The following CLMN variants were observed in gnomAD, a reference collection of about 807,000 sequenced individuals.
CLMN encodes calmin, also known as calmin (calponin-like, transmembrane).
Under a neutral mutation model 92.7 loss-of-function variants are expected in CLMN, and 57 were observed. That is an observed-to-expected ratio of 0.61 (90% CI 0.50 to 0.77). CLMN has a LOEUF of 0.77. Ranked by LOEUF, CLMN falls within the 30% of genes least tolerant of loss-of-function variation. The probability of loss-of-function intolerance (pLI) is 0.00; values close to 1 mark genes in which losing one functional copy is unlikely to be tolerated. For missense variants in CLMN, 1,158 were observed against 1,237.5 expected (o/e 0.94, Z 0.96); for synonymous variants, 466 against 470.6 (o/e 0.99, Z 0.13).
intron 1 of CLMN, among the ~76,000 whole-genome samples, chr14:95,269,928 A>T (rs998527296): frequency 3.3e-5 from 5 of 151,102 alleles, no homozygotes; most frequent in Non-Finnish European, 7.3e-5. Flanking sequence ...ATGCCCCTGC[A>T]GTGGACTTCA....
chr14:95,224,087 G>C (rs1897634966), intron 2 of CLMN, among the ~76,000 whole-genome samples: 2 of 152,182 alleles, frequency 1.3e-5, no homozygotes, highest in African/African-American at 4.8e-5. Flanking sequence ...CACCAAGAGG[G>C]GGCTGATCGA....
In CLMN at chr14:95,191,611, C is replaced by A. The variant is rs760410030; in HGVS notation, c.2962G>T (p.Val988Leu). ...MYFILFLWLLVYCLLLFPQLD... is the reference protein window; with the variant it reads ...MYFILFLWLLLYCLLLFPQLD... ...TGTGGGAAGAGCAGCAAGCAGTACA[C>A]CAGGAGCCACAGGAAGAGAATAAAA... Residue 988 changes from valine to leucine, a missense_variant, in exon 13 of 13, where the codon GTG becomes TTG. Val to Leu is a conservative substitution (Grantham distance 32). Transcript: ENST00000298912. This position sits in a 1 kb window ranked among gnomAD's most constrained non-coding sequence, Gnocchi z 5.3. 1 of 1,613,570 alleles carries A rather than the reference C, an allele frequency of 6.2e-7. No homozygotes were observed. Among genetic ancestry groups the A allele is most frequent in the Admixed American group, 1.7e-5 (1 of 59,982 alleles).
intron 1 of CLMN, among the ~76,000 whole-genome samples, chr14:95,318,535 T>C: frequency 6.6e-6 from 1 of 152,132 alleles, no homozygotes; most frequent in East Asian, 1.9e-4. Flanking sequence ...TAAACTTGAC[T>C]GCTCGGCCAT....
In CLMN at chr14:95,293,572, G is replaced by A. The variant is rs376637569; in HGVS notation, c.82+26139C>T. Among the ~76,000 whole-genome samples, 18 of 152,098 alleles carry A rather than the reference G, an allele frequency of 1.2e-4. 1 individual carries two copies. The East Asian group carries it at 1.9e-3, about 16-fold the overall frequency. The stretch of plus-strand genomic sequence containing the variant: ...ATTCTCTATGGATTCAAGACCAGGA[G>A]AATGGGCTCTGTGCACCTGCTCCCA... On this transcript the variant is annotated intron_variant, in intron 1 of 12. Coordinates refer to ENST00000298912, the MANE Select transcript of CLMN (RefSeq NM_024734.4).
Position 95,185,103 on chromosome 14 carries a change from C to G in CLMN, c.*6461G>C, listed in dbSNP as rs1896410282. The G allele has an allele frequency of 6.6e-6, 1 of 151,882 alleles. No homozygotes were observed. Among genetic ancestry groups the G allele is most frequent in the Non-Finnish European group, 1.5e-5 (1 of 68,036 alleles). The allele number at this position is 151,882 out of a possible 1,614,324, so 9.4% of individuals were successfully genotyped here. The stretch of plus-strand genomic sequence containing the variant: ...CCTCGGTGACAGAGTAAGATGCTGT[C>G]TCTTAAAAAAAAAATCAGAGTGAAG... On this transcript the variant is annotated 3_prime_UTR_variant, in exon 13 of 13. Transcript: ENST00000298912.
chr14:95,218,676 T>G (rs1043293639), intron 4 of CLMN, among the ~76,000 whole-genome samples: 3 of 152,248 alleles, frequency 2.0e-5, no homozygotes, highest in African/African-American at 7.2e-5. Context: ...CGTTTCCACC[T>G]GGCTCACTCC....
chr14:95,318,430 C>T (rs937328762), intron 1 of CLMN, among the ~76,000 whole-genome samples: 30 of 152,186 alleles, frequency 2.0e-4, no homozygotes, highest in Admixed American at 1.8e-3. Flanking sequence ...GCTCCCCAGT[C>T]CTTTTGAGGT....
At chr14:95,212,842 G>A (rs1042811034) in intron 6 of CLMN, among the ~76,000 whole-genome samples, 8 of 149,804 alleles carry the variant, frequency 5.3e-5, no homozygotes, top group East Asian at 2.0e-4. Context: ...CTGGAATGCA[G>A]TGGAGTGAAC....
rs1896530404 is a variant in CLMN at position 95,190,296 on chromosome 14, T to G, written c.*1268A>C. On this transcript the variant is annotated 3_prime_UTR_variant, in exon 13 of 13. Coordinates refer to ENST00000298912, the MANE Select transcript of CLMN (RefSeq NM_024734.4). ...AGCTCTGGACAGGGCATCAGGTGCC[T>G]GTGTGCTCACTGCAAGTCTGCCCCT... 6.6e-6 allele frequency: 1 copy of G among 152,288 alleles called. No individual in the cohort carries two copies. The highest frequency in any genetic ancestry group is 6.5e-5 in the Admixed American group (1 of 15,288). The allele number at this position is 152,288 out of a possible 1,614,324, so 9.4% of individuals were successfully genotyped here.
At chr14:95,295,035 C>A (rs892432025) in intron 1 of CLMN, among the ~76,000 whole-genome samples, 31 of 152,352 alleles carry the variant, frequency 2.0e-4, no homozygotes, top group Non-Finnish European at 4.1e-4. Flanking sequence ...CCACTGGGTG[C>A]TGCACCAGCC....
Position 95,215,717 on chromosome 14 carries a change from A to T in CLMN, c.341T>A (p.Ile114Asn). The change falls in exon 5 of 13, where the codon ATT becomes AAT. Residue 114 changes from isoleucine to asparagine, a missense_variant. Transcript: ENST00000298912. Reference protein sequence around the residue: ...LEDSNVKLVSIDAAEIADGNP... With the variant: ...LEDSNVKLVSNDAAEIADGNP... The stretch of plus-strand genomic sequence containing the variant: ...GCCATCTGCTATTTCTGCTGCATCA[A>T]TGCTAACCAGTTTTACCTGGAGGGA... 1 of 1,614,114 alleles carries T rather than the reference A, an allele frequency of 6.2e-7. No homozygotes were observed. Among genetic ancestry groups the T allele is most frequent in the Non-Finnish European group, 8.5e-7 (1 of 1,179,996 alleles).
At chr14:95,229,059 A>C (rs1241956438) in intron 2 of CLMN, among the ~76,000 whole-genome samples, 2 of 152,234 alleles carry the variant, frequency 1.3e-5, no homozygotes, top group African/African-American at 4.8e-5. Flanking sequence ...CAGAATTGAG[A>C]CTACTTGCTG....
intron 2 of CLMN, among the ~76,000 whole-genome samples, chr14:95,229,097 G>A (rs1459990788): frequency 6.6e-6 from 1 of 152,212 alleles, no homozygotes; most frequent in African/African-American, 2.4e-5. Flanking sequence ...AGATAGTGGT[G>A]CTTAAGGAGA....
At chr14:95,262,253 T>C (rs1257521689) in intron 1 of CLMN, among the ~76,000 whole-genome samples, 1 of 152,184 alleles carries the variant, frequency 6.6e-6, no homozygotes, top group African/African-American at 2.4e-5. Flanking sequence ...TGCGCTGGGG[T>C]TCACTGAGTT....
At chr14:95,211,664 A>C (rs1897201355) in intron 6 of CLMN, among the ~76,000 whole-genome samples, 1 of 149,974 alleles carries the variant, frequency 6.7e-6, no homozygotes, top group Non-Finnish European at 1.5e-5. Flanking sequence ...AAAAAAAAAA[A>C]AACCAAAAAC....
Position 95,191,663 on chromosome 14 carries a change from CTG to C in CLMN, c.2908_2909del (p.Gln970AlafsTer30). ...SHSPQSDSLT[Q>X]LVQQPDMMYF... The stretch of plus-strand genomic sequence containing the variant: ...ACATCATATCCGGCTGCTGGACAAG[CTG>C]TGTCAGGGAGTCACTCTGCGGGCTG... On this transcript the variant is annotated frameshift_variant, in exon 13 of 13. Transcript: ENST00000298912. LOFTEE classifies it high-confidence loss of function. This position sits in a 1 kb window ranked among gnomAD's most constrained non-coding sequence, Gnocchi z 5.3. The C allele has an allele frequency of 6.2e-7, 1 of 1,613,720 alleles. No homozygotes were observed. Among genetic ancestry groups the C allele is most frequent in the Non-Finnish European group, 8.5e-7 (1 of 1,179,998 alleles).
chr14:95,316,654 A>C (rs1023554863), intron 1 of CLMN, among the ~76,000 whole-genome samples: 1 of 152,266 alleles, frequency 6.6e-6, no homozygotes, highest in Non-Finnish European at 1.5e-5. Flanking sequence ...GCAAGTGAGC[A>C]GAGGCCAAGA....
At chr14:95,245,211 T>TATATATATA (rs1898453555) in intron 1 of CLMN, among the ~76,000 whole-genome samples, 4 of 21,778 alleles carry the variant, frequency 1.8e-4, no homozygotes, top group African/African-American at 9.5e-4. Context: ...ATATATATTA[T>TATATATATA]ATATATATAT....
rs577682688 is a variant in CLMN, at chr14:95,184,140, T to C, written c.*7424A>G. On this transcript the variant is annotated 3_prime_UTR_variant, in exon 13 of 13. Coordinates refer to ENST00000298912, the MANE Select transcript of CLMN (RefSeq NM_024734.4). ...ACTTCATAAACTTTCAAGAAAAGTA[T>C]TTTTCATCCAACAAATATGTGCTGA... The C allele has an allele frequency of 6.6e-6, 1 of 152,194 alleles. No homozygotes were observed. The highest frequency in any genetic ancestry group is 2.4e-5 in the African/African-American group (1 of 41,452). The allele number at this position is 152,194 out of a possible 1,614,324, so 9.4% of individuals were successfully genotyped here. A position where few individuals can be genotyped will look rare whatever the true frequency, so the allele number is the denominator to read the frequency against.
Sources: allele counts gnomAD v4.1 joint callset (sites outside exome capture counted in the v4.1 genomes callset), GRCh38; gene constraint gnomAD v4.1.1; non-coding constraint Gnocchi (gnomAD v3.1); transcripts MANE v1.5; gene names NCBI Gene and HGNC (gene_info 2026-07-23, HGNC 2026-07-21).